Variants in GMDS observed in about 807,000 individuals in gnomAD.
GMDS encodes GDP-mannose 4,6 dehydratase.
Under a neutral mutation model 49.9 loss-of-function variants are expected in GMDS, and 20 were observed. The ratio of observed to expected loss-of-function variants is 0.40; its 90% CI spans 0.28 to 0.58. The LOEUF is 0.58. Ranked by LOEUF, GMDS falls within the 20% of genes least tolerant of loss-of-function variation. The pLI is 0.42. For synonymous variants in GMDS, 177 were observed against 178.6 expected, an observed-to-expected ratio of 0.99 and a Z score of 0.07; for missense variants, 362 against 481.4, an observed-to-expected ratio of 0.75 and a Z score of 2.32.
At chr6:1,873,740 C>T (rs567581363) in intron 7 of GMDS, among the ~76,000 whole-genome samples, 100 of 152,268 alleles carry the variant, frequency 6.6e-4, no homozygotes, top group Non-Finnish European at 1.2e-3. Flanking sequence ...ACTTCAGTAA[C>T]GCCAGCTTGG....
chr6:1,711,580 T>C (rs1765966588), intron 9 of GMDS, among the ~76,000 whole-genome samples: 1 of 152,214 alleles, frequency 6.6e-6, no homozygotes, highest in Non-Finnish European at 1.5e-5. Context: ...TTTGCCAGTT[T>C]GCACCAAATC....
chr6:1,975,543 G>C (rs142110259), intron 4 of GMDS, among the ~76,000 whole-genome samples: 1 of 152,264 alleles, frequency 6.6e-6, no homozygotes, highest in East Asian at 1.9e-4. Context: ...CCTGTCAATG[G>C]CCAGTTTAGA....
chr6:2,006,391 G>A (rs1767173927), intron 4 of GMDS, among the ~76,000 whole-genome samples: 1 of 151,986 alleles, frequency 6.6e-6, no homozygotes, highest in African/African-American at 2.4e-5. Flanking sequence ...TCATGCCACT[G>A]CACCTCTGCC....
At chr6:2,154,549 A>T (rs1777006327) in intron 1 of GMDS, among the ~76,000 whole-genome samples, 1 of 152,158 alleles carries the variant, frequency 6.6e-6, no homozygotes, top group Non-Finnish European at 1.5e-5. Flanking sequence ...GACCACAAGT[A>T]TGCACCAATT....
intron 1 of GMDS, among the ~76,000 whole-genome samples, chr6:2,172,075 C>T (rs936369524): frequency 7.2e-5 from 11 of 152,020 alleles, no homozygotes; most frequent in African/African-American, 2.4e-4. Flanking sequence ...CCTCCCAACC[C>T]CCACGAAAAG....
chr6:1,957,045 C>A (rs1763676980), intron 6 of GMDS, among the ~76,000 whole-genome samples: 6 of 152,120 alleles, frequency 3.9e-5, no homozygotes, highest in Admixed American at 3.9e-4. Flanking sequence ...TTAAGTGATT[C>A]ACCTGCCTCG....
chr6:1,913,320 G>A lies in GMDS; in HGVS notation c.771+16783C>T, dbSNP rs368449323. Among the ~76,000 whole-genome samples, 127 of 145,788 alleles carry A rather than the reference G, an allele frequency of 8.7e-4. 2 individuals are homozygous for A. The East Asian group carries it at 0.02, about 23-fold the overall frequency. The stretch of plus-strand genomic sequence containing the variant: ...GGCGTGAACCCGGGAGGCGGAGCTT[G>A]CAGTGAGCCGAGATCCTGCCACTGC... On this transcript the variant is annotated intron_variant, in intron 7 of 10. Coordinates refer to ENST00000380815, the MANE Select transcript of GMDS (RefSeq NM_001500.4).
chr6:1,986,058 T>C (rs1052520104), intron 4 of GMDS, among the ~76,000 whole-genome samples: 7 of 152,218 alleles, frequency 4.6e-5, no homozygotes, highest in African/African-American at 1.7e-4. Context: ...CCTAGAAAAC[T>C]AGTGAGGGAC....
At chr6:1,934,961 T>C (rs138139084) in intron 6 of GMDS, among the ~76,000 whole-genome samples, 14 of 152,348 alleles carry the variant, frequency 9.2e-5, no homozygotes, top group African/African-American at 3.4e-4. Flanking sequence ...TCTAGCCTTG[T>C]GCTGTTTTGC....
At chr6:1,645,216 G>A (rs1299663248) in intron 9 of GMDS, among the ~76,000 whole-genome samples, 4 of 151,840 alleles carry the variant, frequency 2.6e-5, no homozygotes, top group Admixed American at 2.6e-4. Flanking sequence ...TTACAGGCAT[G>A]AGCCACCGCG....
chr6:2,144,935 T>C (rs1562095566), intron 1 of GMDS, among the ~76,000 whole-genome samples: 1 of 152,030 alleles, frequency 6.6e-6, no homozygotes, highest in Non-Finnish European at 1.5e-5. Flanking sequence ...ACATAGAAGC[T>C]TCCACGAGGA....
intron 7 of GMDS, among the ~76,000 whole-genome samples, chr6:1,769,386 T>G (rs181738243): frequency 6.6e-6 from 1 of 152,364 alleles, no homozygotes; most frequent in Non-Finnish European, 1.5e-5. Flanking sequence ...GTCAAGCTAC[T>G]TCTCAGCTAA....
chr6:1,624,661 C>T, intron 9 of GMDS, 121 bp from the exon 10 acceptor site: 1 of 686,468 alleles, frequency 1.5e-6, no homozygotes, highest in Non-Finnish European at 2.6e-6. Context: ...CCGGGTTTCC[C>T]TGCTTTCGGT....
At chr6:1,856,534 G>C in intron 7 of GMDS, among the ~76,000 whole-genome samples, 1 of 152,246 alleles carries the variant, frequency 6.6e-6, no homozygotes, top group African/African-American at 2.4e-5. Context: ...ATAGTCTGCA[G>C]CTGCAGTGGA....
chr6:1,800,262 G>A (rs558191733), intron 7 of GMDS, among the ~76,000 whole-genome samples: 1 of 152,306 alleles, frequency 6.6e-6, no homozygotes, highest in African/African-American at 2.4e-5. Flanking sequence ...CTCTGGTTGT[G>A]AACCCTAGCA....
chr6:1,624,026 C>T lies in GMDS; in HGVS notation c.*143G>A, dbSNP rs553758041. ...CAAACCTCGGCGGGGCGGCCCCGCT[C>T]TTGCGGCCGGGACAGCGCAGCGGCA... On this transcript the variant is annotated 3_prime_UTR_variant, in exon 11 of 11. Transcript: ENST00000380815. 4.3e-6 allele frequency: 3 copies of T among 692,550 alleles called. No individual in the cohort carries two copies. Among genetic ancestry groups the T allele is most frequent in the South Asian group, 1.8e-5 (1 of 54,318 alleles). 42.9% of individuals were successfully genotyped at this position (692,550 alleles called of 1,614,324 possible).
intron 1 of GMDS, among the ~76,000 whole-genome samples, chr6:2,172,496 G>C (rs897224586): frequency 1.3e-5 from 2 of 152,140 alleles, no homozygotes; most frequent in Non-Finnish European, 2.9e-5. Flanking sequence ...TTCAAAACCA[G>C]CCTTGCCAAG....
At chr6:2,208,689 C>T (rs1779921027) in intron 1 of GMDS, among the ~76,000 whole-genome samples, 1 of 152,034 alleles carries the variant, frequency 6.6e-6, no homozygotes, top group Non-Finnish European at 1.5e-5. Flanking sequence ...GCTGAAATAC[C>T]CGAAGGAAAG....
Position 2,219,301 on chromosome 6 carries a change from G to A in GMDS, c.102+26020C>T, listed in dbSNP as rs117765032. ...CTAAATAGAAGCCAGATGATAGAGA[G>A]GGTAGAAACTTGAGTCCTACAGAAC... On this transcript the variant is annotated intron_variant, in intron 1 of 10. Transcript: ENST00000380815. Among the ~76,000 whole-genome samples, 52 of 152,268 alleles carry A rather than the reference G, an allele frequency of 3.4e-4. No individual in the cohort carries two copies. The East Asian group carries it at 9.7e-3, about 28-fold the overall frequency.
Sources: allele counts gnomAD v4.1 joint callset (sites outside exome capture counted in the v4.1 genomes callset), GRCh38; gene constraint gnomAD v4.1.1; transcripts MANE v1.5; gene names NCBI Gene and HGNC (gene_info 2026-07-23, HGNC 2026-07-21).